Variants in AGO4 observed in about 807,000 individuals in gnomAD.
AGO4 encodes protein argonaute-4.
AGO4 carries 33 observed loss-of-function variants against 104.7 expected under a neutral mutation model. That is an observed-to-expected ratio of 0.32 (90% CI 0.24 to 0.42). The LOEUF is 0.42. Among genes scored for constraint, AGO4 ranks in the 10% least tolerant of loss-of-function variants. AGO4 has a pLI of 1.00. For missense variants in AGO4, 711 were observed against 1,083.4 expected (o/e 0.66, Z 4.83); for synonymous variants, 331 against 364.7 (o/e 0.91, Z 1.05).
Position 35,825,829 on chromosome 1 carries a change from C to A in AGO4, c.625+14C>A. 6.3e-7 allele frequency: 1 copy of A among 1,587,314 alleles called. No individual in the cohort carries two copies. The highest frequency in any genetic ancestry group is 8.6e-7 in the Non-Finnish European group (1 of 1,168,184). On this transcript the variant is annotated intron_variant, in intron 5 of 17. Coordinates refer to ENST00000373210, the MANE Select transcript of AGO4 (RefSeq NM_017629.4). Reference sequence around the variant, plus strand: ...TCAACATTGATGGTAGGATGGAACTCTCTTTATCCAATAACTCTTTGGGCT... The same window carrying A: ...TCAACATTGATGGTAGGATGGAACTATCTTTATCCAATAACTCTTTGGGCT...
In AGO4 at chr1:35,841,215, A is replaced by AC. The variant is rs768552552; in HGVS notation, c.1781dup (p.Ala595SerfsTer52). 6 of 1,612,948 alleles carry AC rather than the reference A, an allele frequency of 3.7e-6. No homozygotes were observed. Among genetic ancestry groups the AC allele is most frequent in the Admixed American group, 1.7e-5 (1 of 59,942 alleles). On this transcript the variant is annotated frameshift_variant, in exon 14 of 18. Coordinates refer to ENST00000373210, the MANE Select transcript of AGO4 (RefSeq NM_017629.4). LOFTEE classifies it high-confidence loss of function. This position sits in a 1 kb window ranked among gnomAD's most constrained non-coding sequence, Gnocchi z 4.7. ...ATCTTCCTGGGAGCGGATGTCACAC[A>AC]CCCCCCAGCAGGGGATGGGAAGAAA...
At chr1:35,818,830 T>C (rs1330281534) in intron 2 of AGO4, among the ~76,000 whole-genome samples, 3 of 152,192 alleles carry the variant, frequency 2.0e-5, no homozygotes, top group Non-Finnish European at 4.4e-5. Flanking sequence ...CATAACACTT[T>C]GTCATTTATT....
chr1:35,818,353 A>G (rs11264213), intron 2 of AGO4, among the ~76,000 whole-genome samples: 32,451 of 152,020 alleles, frequency 0.21, 5,505 homozygotes, highest in East Asian at 0.7. Flanking sequence ...GCCGGGCGTG[A>G]TGGCTCATGC....
chr1:35,817,116 C>T (rs555568867), intron 2 of AGO4, 69 bp downstream of exon 2: 3 of 1,418,388 alleles, frequency 2.1e-6, no homozygotes, highest in African/African-American at 1.5e-5. Context: ...TCATATTGTT[C>T]TCTAAATTCA....
intron 17 of AGO4, 68 bp downstream of exon 17, chr1:35,851,121 T>C: frequency 6.8e-7 from 1 of 1,460,864 alleles, no homozygotes; most frequent in Middle Eastern, 2.1e-4. Flanking sequence ...TGAGCTACAA[T>C]AGAAAACTTT....
At chr1:35,844,391 A>G (rs1644517494) in intron 15 of AGO4, among the ~76,000 whole-genome samples, 1 of 152,124 alleles carries the variant, frequency 6.6e-6, no homozygotes, top group Non-Finnish European at 1.5e-5. Context: ...CATGAGAGCA[A>G]ATCTCAGCCA....
Position 35,825,789 on chromosome 1 carries a change from T to C in AGO4, c.599T>C (p.Met200Thr). Residue 200 changes from methionine to threonine, a missense_variant, in exon 5 of 18, where the codon ATG becomes ACG. This residue lies in a region of AGO4 where 308 missense variants were observed against 397.8 expected (regional missense o/e 0.77). Coordinates refer to ENST00000373210, the MANE Select transcript of AGO4 (RefSeq NM_017629.4). Reference protein sequence around the residue: ...FGFHQSVRPAMWNMMLNIDVS... With the variant: ...FGFHQSVRPATWNMMLNIDVS... ...TTTCATCAGTCTGTGAGACCTGCCA[T>C]GTGGAATATGATGCTCAACATTGAT... 2 of 1,591,462 alleles carry C rather than the reference T, an allele frequency of 1.3e-6. No homozygotes were observed. Among genetic ancestry groups the C allele is most frequent in the South Asian group, 1.2e-5 (1 of 86,934 alleles).
At chr1:35,849,788 G>T (rs750002460) in intron 15 of AGO4, among the ~76,000 whole-genome samples, 1 of 151,140 alleles carries the variant, frequency 6.6e-6, no homozygotes, top group Non-Finnish European at 1.5e-5. Context: ...TTTACTCCAA[G>T]TAAGGAATAA....
chr1:35,847,061 C>T (rs1644588764), intron 15 of AGO4, among the ~76,000 whole-genome samples: 1 of 152,006 alleles, frequency 6.6e-6, no homozygotes, highest in Non-Finnish European at 1.5e-5. Context: ...CTATGCACAT[C>T]CTCCCATATG....
At chr1:35,844,550 T>C (rs1255962464) in intron 15 of AGO4, among the ~76,000 whole-genome samples, 1 of 152,136 alleles carries the variant, frequency 6.6e-6, no homozygotes, top group East Asian at 1.9e-4. Context: ...AAACAAGATC[T>C]AGAAGGCAAG....
chr1:35,812,775 A>G (rs1309037449), intron 1 of AGO4, among the ~76,000 whole-genome samples: 1 of 151,954 alleles, frequency 6.6e-6, no homozygotes, highest in Non-Finnish European at 1.5e-5. Flanking sequence ...TATTTTTAGT[A>G]GAGACGGTGT....
At chr1:35,818,556 G>A (rs764375730) in intron 2 of AGO4, among the ~76,000 whole-genome samples, 1 of 151,856 alleles carries the variant, frequency 6.6e-6, no homozygotes, top group African/African-American at 2.4e-5. Flanking sequence ...TCTGGGAGAC[G>A]GAGGTTGCAG....
At position 35,855,648 on chromosome 1, in the gene AGO4, T is replaced by A. The variant is rs1301010763; in HGVS notation, c.*2043T>A. ...ATGGCAGATGTTAATTTCTTAAAAT[T>A]TTCCTTTTTTTTTTTTTTTTTTGCA... On this transcript the variant is annotated 3_prime_UTR_variant, in exon 18 of 18. Coordinates refer to ENST00000373210, the MANE Select transcript of AGO4 (RefSeq NM_017629.4). The A allele has an allele frequency of 6.7e-6, 1 of 149,338 alleles. No homozygotes were observed. Among genetic ancestry groups the A allele is most frequent in the Non-Finnish European group, 1.5e-5 (1 of 67,740 alleles). 9.3% of individuals were successfully genotyped at this position (149,338 alleles called of 1,614,324 possible). A position where few individuals can be genotyped will look rare whatever the true frequency, so the allele number is the denominator to read the frequency against.
intron 15 of AGO4, among the ~76,000 whole-genome samples, chr1:35,848,073 T>C (rs771733588): frequency 2.9e-4 from 44 of 152,216 alleles, no homozygotes; most frequent in Non-Finnish European, 5.6e-4. Flanking sequence ...AGGTGTCCTT[T>C]TGTAGTTAAC....
At chr1:35,846,050 T>G (rs563876471) in intron 15 of AGO4, among the ~76,000 whole-genome samples, 7 of 152,324 alleles carry the variant, frequency 4.6e-5, no homozygotes, top group African/African-American at 1.7e-4. Flanking sequence ...TGGGTGTGGA[T>G]GTATAATCCT....
intron 11 of AGO4, among the ~76,000 whole-genome samples, chr1:35,833,151 C>T (rs539022654): frequency 1.8e-4 from 28 of 152,032 alleles, no homozygotes; most frequent in Non-Finnish European, 3.1e-4. Flanking sequence ...TGGTGGCACG[C>T]GCCTGTAGTC....
chr1:35,833,189 G>A (rs958864505), intron 11 of AGO4, among the ~76,000 whole-genome samples: 1 of 152,106 alleles, frequency 6.6e-6, no homozygotes, highest in Non-Finnish European at 1.5e-5. Flanking sequence ...TGAGGCAGGA[G>A]AATCACTTGA....
intron 7 of AGO4, among the ~76,000 whole-genome samples, chr1:35,829,725 T>C (rs1644128253): frequency 6.6e-6 from 1 of 150,670 alleles, no homozygotes; most frequent in Non-Finnish European, 1.5e-5. Flanking sequence ...GGCAGGCGCC[T>C]GTAATCCCAG....
chr1:35,825,234 A>G (rs1643987639), intron 3 of AGO4, 79 bp from the exon 4 acceptor site: 2 of 1,430,626 alleles, frequency 1.4e-6, no homozygotes, highest in Non-Finnish European at 1.9e-6. Context: ...TTATGCATGT[A>G]TCATACTGCA....
Sources: gnomAD v4.1 joint callset for allele counts (sites outside exome capture counted in the v4.1 genomes callset) on GRCh38, gnomAD v4.1.1 for gene constraint, gnomAD v4.1.1 regional missense constraint, Gnocchi (gnomAD v3.1) non-coding constraint, MANE v1.5 for transcripts, NCBI Gene and HGNC (gene_info 2026-07-23, HGNC 2026-07-21) for gene names.